PTPRA: variants seen among roughly 807,000 people sequenced by gnomAD.
PTPRA encodes the protein receptor-type tyrosine-protein phosphatase alpha.
PTPRA carries 25 observed loss-of-function variants against 104.8 expected under a neutral mutation model. The observed-to-expected ratio is 0.24, with a 90% CI of 0.17 to 0.33. PTPRA has a LOEUF of 0.33. Among genes scored for constraint, PTPRA ranks in the 10% least tolerant of loss-of-function variants. The pLI is 1.00. For missense variants in PTPRA, 765 were observed against 1,015.3 expected, an observed-to-expected ratio of 0.75 and a Z score of 3.35; for synonymous variants, 323 against 368.9, an observed-to-expected ratio of 0.88 and a Z score of 1.43.
chr20:2,918,952 G>T (rs917190081), intron 1 of PTPRA, among the ~76,000 whole-genome samples: 1 of 152,138 alleles, frequency 6.6e-6, no homozygotes, highest in Admixed American at 6.5e-5. Context: ...TCTATTTCCT[G>T]TGCTGTTTTG....
At chr20:2,885,462 A>G (rs1005493567) in intron 1 of PTPRA, among the ~76,000 whole-genome samples, 2 of 152,166 alleles carry the variant, frequency 1.3e-5, no homozygotes, top group African/African-American at 4.8e-5. Context: ...GGCTGTTAAA[A>G]CCATTAGGGA....
At chr20:2,988,196 A>G in intron 8 of PTPRA, 91 bp downstream of exon 8, 3 of 1,513,200 alleles carry the variant, frequency 2.0e-6, no homozygotes, top group Non-Finnish European at 2.7e-6. Flanking sequence ...GAATAAGACA[A>G]TAAAAAGAGG....
In PTPRA at chr20:3,022,023, G is replaced by A. The variant is rs748757681; in HGVS notation, c.1162-31G>A. The A allele has an allele frequency of 4.3e-6, 7 of 1,612,854 alleles. No homozygotes were observed. The Admixed American group carries it at 1.0e-4, about 23-fold the overall frequency. On this transcript the variant is annotated intron_variant, in intron 14 of 23. Transcript: ENST00000399903. This position sits in a 1 kb window ranked among gnomAD's most constrained non-coding sequence, Gnocchi z 4.6. ...GGTACTGCCCACCCTTGGGTATCAG[G>A]GCCAACACACAGGATCTCCTCACTT...
At position 3,022,625 on chromosome 20, in the gene PTPRA, C is replaced by T. The variant is rs2064933921; in HGVS notation, c.1329-64C>T. 8 of 1,604,612 alleles carry T rather than the reference C, an allele frequency of 5.0e-6. No individual in the cohort carries two copies. Among genetic ancestry groups the T allele is most frequent in the African/African-American group, 4.0e-5 (3 of 74,882 alleles). The stretch of plus-strand genomic sequence containing the variant: ...AGGAAGAGCCCCTGCCTGTGTTGCC[C>T]CTCCCTATCTGCTCCCACAAGGCAG... On this transcript the variant is annotated intron_variant, in intron 15 of 23. Transcript: ENST00000399903. This position sits in a 1 kb window ranked among gnomAD's most constrained non-coding sequence, Gnocchi z 4.6.
intron 1 of PTPRA, among the ~76,000 whole-genome samples, chr20:2,892,161 G>A (rs576075329): frequency 6.6e-6 from 1 of 151,932 alleles, no homozygotes; most frequent in African/African-American, 2.4e-5. Context: ...ATGGTGGCAG[G>A]TGCCTGTAAT....
intron 1 of PTPRA, among the ~76,000 whole-genome samples, chr20:2,886,926 A>G (rs1040160152): frequency 1.3e-5 from 2 of 152,136 alleles, no homozygotes; most frequent in Non-Finnish European, 2.9e-5. Flanking sequence ...TTAATTTTCA[A>G]AAGTATATCA....
At chr20:2,984,733 A>G (rs552224392) in intron 6 of PTPRA, among the ~76,000 whole-genome samples, 1 of 152,162 alleles carries the variant, frequency 6.6e-6, no homozygotes, top group African/African-American at 2.4e-5. Context: ...CTGGCATCTT[A>G]TATTGAACTG....
chr20:2,918,087 CAA>C (rs149539458), intron 1 of PTPRA, among the ~76,000 whole-genome samples: 33,450 of 94,098 alleles, frequency 0.36, 3,765 homozygotes, highest in East Asian at 0.56. Context: ...GACTCTGTCT[CAA>C]AAAAAAAAAA....
At chr20:2,870,076 C>T (rs1026653988), upstream of PTPRA, among the ~76,000 whole-genome samples, 1 of 24,816 alleles carries the variant, frequency 4.0e-5, no homozygotes, top group Non-Finnish European at 6.2e-5. Context: ...CAGTGAAAGA[C>T]TCTTGGGGTT....
At chr20:3,033,517 T>TGA (rs1174245282) in intron 20 of PTPRA, among the ~76,000 whole-genome samples, 2 of 152,042 alleles carry the variant, frequency 1.3e-5, no homozygotes, top group Non-Finnish European at 2.9e-5. Context: ...CAACTGGTCC[T>TGA]CCTGCTCTCA....
intron 5 of PTPRA, among the ~76,000 whole-genome samples, chr20:2,972,422 A>G (rs747421976): frequency 3.9e-5 from 6 of 152,138 alleles, no homozygotes; most frequent in Non-Finnish European, 7.4e-5. Context: ...CAGACTGGTC[A>G]TGAACTCCTG....
chr20:2,996,679 A>G (rs576211474), intron 9 of PTPRA, among the ~76,000 whole-genome samples: 1 of 152,356 alleles, frequency 6.6e-6, no homozygotes, highest in South Asian at 2.1e-4. Flanking sequence ...CTGGCAATTT[A>G]CAGAAGAAAT....
At chr20:2,917,337 C>G (rs2059941501) in intron 1 of PTPRA, among the ~76,000 whole-genome samples, 1 of 151,998 alleles carries the variant, frequency 6.6e-6, no homozygotes, top group African/African-American at 2.4e-5. Flanking sequence ...GGTAGATTTT[C>G]TCTGATCTAT....
At position 3,035,657 on chromosome 20, in the gene PTPRA, G is replaced by A. The variant is rs2065761292; in HGVS notation, c.1993G>A (p.Glu665Lys). ...YGDITVELKK[E>K]EECESYTVRD... is the part of the protein sequence containing the mutation. Reference sequence around the variant, plus strand: ...AGATATTACAGTGGAACTGAAGAAGGAGGAGGAATGTGAGAGCTACACCGT... The same window carrying A: ...AGATATTACAGTGGAACTGAAGAAGAAGGAGGAATGTGAGAGCTACACCGT... The change falls in exon 21 of 24, where the codon GAG (glutamate) becomes AAG (lysine). Residue 665 changes from glutamate (E) to lysine (K), a missense_variant. Around this residue, in one of 4 missense-constraint regions of PTPRA, gnomAD observed 192 missense variants for 227.0 expected, o/e 0.85. Transcript: ENST00000399903. The surrounding 1 kb of genome is among the most constrained non-coding windows in gnomAD (Gnocchi z 5.8). 1 of 1,614,108 alleles carries A rather than the reference G, an allele frequency of 6.2e-7. No individual in the cohort carries two copies. Among genetic ancestry groups the A allele is most frequent in the Non-Finnish European group, 8.5e-7 (1 of 1,179,970 alleles).
upstream of PTPRA, among the ~76,000 whole-genome samples, chr20:2,871,109 G>C (rs1010998377): frequency 1.6e-4 from 25 of 152,236 alleles, no homozygotes; most frequent in African/African-American, 5.5e-4. Flanking sequence ...TCCTTCCCAG[G>C]GTCTCCAGGG....
intron 6 of PTPRA, among the ~76,000 whole-genome samples, chr20:2,975,636 A>G (rs990383420): frequency 6.6e-6 from 1 of 152,034 alleles, no homozygotes; most frequent in Admixed American, 6.6e-5. Context: ...TAAAATGTCA[A>G]CCCTTTGTGG....
At chr20:2,939,517 G>T (rs1483826083) in intron 2 of PTPRA, among the ~76,000 whole-genome samples, 1 of 152,116 alleles carries the variant, frequency 6.6e-6, no homozygotes, top group Non-Finnish European at 1.5e-5. Flanking sequence ...TTTTTAGTTT[G>T]CCTGGTCAAA....
At chr20:2,961,372 A>G (rs1202087447) in intron 3 of PTPRA, among the ~76,000 whole-genome samples, 1 of 152,142 alleles carries the variant, frequency 6.6e-6, no homozygotes, top group Non-Finnish European at 1.5e-5. Context: ...TTAATTTGCA[A>G]TTACCTAATG....
At chr20:2,899,432 A>C (rs1238147791) in intron 1 of PTPRA, among the ~76,000 whole-genome samples, 1 of 151,966 alleles carries the variant, frequency 6.6e-6, no homozygotes, top group East Asian at 1.9e-4. Context: ...AAGGAACCAG[A>C]GGAAAGGATG....
Sources: gnomAD v4.1 joint callset for allele counts (sites outside exome capture counted in the v4.1 genomes callset) on GRCh38, gnomAD v4.1.1 for gene constraint, gnomAD v4.1.1 regional missense constraint, Gnocchi (gnomAD v3.1) non-coding constraint, MANE v1.5 for transcripts, NCBI Gene and HGNC (gene_info 2026-07-23, HGNC 2026-07-21) for gene names.